BIRC6: variants seen among roughly 807,000 people sequenced by gnomAD.
The protein encoded by BIRC6 is dual E2 ubiquitin-conjugating enzyme/E3 ubiquitin-protein ligase BIRC6.
In BIRC6, 98 loss-of-function variants were observed where a neutral mutation model predicts 503.3. The ratio of observed to expected loss-of-function variants is 0.19; its 90% CI spans 0.17 to 0.23. The LOEUF is 0.23. Ranked by LOEUF, BIRC6 falls within the 10% of genes least tolerant of loss-of-function variation. The pLI, the probability that BIRC6 is intolerant of heterozygous loss-of-function variation, is 1.00. For synonymous variants in BIRC6, 2,240 were observed against 2,078.7 expected (o/e 1.08, Z -2.11); for missense variants, 5,360 against 5,806.0 (o/e 0.92, Z 2.50).
In BIRC6 at chr2:32,568,701, C is replaced by T. The variant is rs142972970; in HGVS notation, c.13145-6455C>T. Among the ~76,000 whole-genome samples, 355 of 150,830 alleles carry T rather than the reference C, an allele frequency of 2.4e-3. 1 individual carries two copies. The highest frequency in any genetic ancestry group is 8.3e-3 in the African/African-American group (343 of 41,114). ...TTGACCAAAAATACAAAAATTAGTC[C>T]GGCATGGTGGCATGCACCTGTAATC... On this transcript the variant is annotated intron_variant, in intron 65 of 73. Coordinates refer to ENST00000421745, the MANE Select transcript of BIRC6 (RefSeq NM_016252.4).
At chr2:32,524,830 T>C in intron 57 of BIRC6, 58 bp from the exon 58 acceptor site, 2 of 1,125,456 alleles carry the variant, frequency 1.8e-6, no homozygotes, top group Non-Finnish European at 2.4e-6. Context: ...AAACATATAT[T>C]ACTTCTCTTC....
chr2:32,522,260 C>T (rs2055808144), intron 57 of BIRC6: 1 of 151,742 alleles, frequency 6.6e-6, no homozygotes, highest in Non-Finnish European at 1.5e-5. Context: ...CTTTATTTGC[C>T]TGGAGAATTT....
chr2:32,554,020 A>G (rs567153892), intron 65 of BIRC6, among the ~76,000 whole-genome samples: 2 of 152,250 alleles, frequency 1.3e-5, no homozygotes, highest in African/African-American at 4.8e-5. Context: ...CTTGTATAGT[A>G]TGGAGTTACC....
At chr2:32,377,206 A>AAT (rs537038995) in intron 1 of BIRC6, among the ~76,000 whole-genome samples, 137 of 133,794 alleles carry the variant, frequency 1.0e-3, no homozygotes, top group African/African-American at 3.6e-3. Flanking sequence ...TTATTCCCTT[A>AAT]ATATATATGT....
rs190337735 is a variant in BIRC6 at position 32,358,858 on chromosome 2, G to A, written c.325+1372G>A. Among the ~76,000 whole-genome samples the A allele has an allele frequency of 9.8e-5, 15 of 152,328 alleles. No homozygotes were observed. In the East Asian group the frequency reaches 2.7e-3, roughly 27 times the overall value. ...CTTTTCTTGGCTTAGGTAAATGATG[G>A]GGTGGCCCAGATGTAGCAGTGAACA... On this transcript the variant is annotated intron_variant, in intron 1 of 73. Transcript: ENST00000421745.
chr2:32,404,633 G>C (rs761401686), intron 8 of BIRC6, among the ~76,000 whole-genome samples: 2 of 151,508 alleles, frequency 1.3e-5, no homozygotes, highest in Non-Finnish European at 2.9e-5. Context: ...AAATGTTTTT[G>C]TCACAAAATA....
intron 64 of BIRC6, among the ~76,000 whole-genome samples, chr2:32,548,269 T>C (rs540429995): frequency 6.6e-6 from 1 of 151,244 alleles, no homozygotes; most frequent in South Asian, 2.1e-4. Flanking sequence ...AGCTGGAAGA[T>C]GCATCTTCCT....
At chr2:32,359,056 C>G (rs2033641959) in intron 1 of BIRC6, among the ~76,000 whole-genome samples, 2 of 152,202 alleles carry the variant, frequency 1.3e-5, no homozygotes, top group African/African-American at 4.8e-5. Flanking sequence ...AGAAATAAAA[C>G]TTTACAAATA....
intron 33 of BIRC6, among the ~76,000 whole-genome samples, chr2:32,475,244 A>G (rs2049608246): frequency 1.3e-5 from 2 of 151,898 alleles, no homozygotes; most frequent in Admixed American, 6.6e-5. Context: ...CTGCTAACTC[A>G]ATTATTATTC....
At chr2:32,471,769 A>T (rs1377071898) in intron 32 of BIRC6, among the ~76,000 whole-genome samples, 1 of 152,144 alleles carries the variant, frequency 6.6e-6, no homozygotes, top group Non-Finnish European at 1.5e-5. Flanking sequence ...TATGTAAGCC[A>T]TTGAGATATG....
At chr2:32,487,992 T>A (rs2366892) in intron 41 of BIRC6, among the ~76,000 whole-genome samples, 191 bp downstream of exon 41, 152,280 of 152,286 alleles carry the variant, frequency 1, 76,137 homozygotes, top group Middle Eastern at 1. Flanking sequence ...TGATAATTTT[T>A]AAGATTTTTA....
intron 65 of BIRC6, among the ~76,000 whole-genome samples, chr2:32,561,334 C>G (rs188327360): frequency 1.3e-5 from 2 of 151,950 alleles, no homozygotes; most frequent in Admixed American, 6.5e-5. Flanking sequence ...CTCCACTTCC[C>G]AAGCTCAAGT....
At chr2:32,531,753 T>TC (rs2056775077) in intron 61 of BIRC6, among the ~76,000 whole-genome samples, 1 of 152,224 alleles carries the variant, frequency 6.6e-6, no homozygotes, top group Non-Finnish European at 1.5e-5. Flanking sequence ...ATGTTGAAGA[T>TC]CAAGCACACT....
chr2:32,410,447 T>G (rs2041738422), intron 9 of BIRC6, among the ~76,000 whole-genome samples: 1 of 152,228 alleles, frequency 6.6e-6, no homozygotes, highest in African/African-American at 2.4e-5. Flanking sequence ...AGTGAACAGC[T>G]TCATTAATAC....
intron 10 of BIRC6, among the ~76,000 whole-genome samples, chr2:32,425,355 T>C (rs1445728951): frequency 6.6e-6 from 1 of 152,136 alleles, no homozygotes; most frequent in African/African-American, 2.4e-5. Flanking sequence ...GCTAATTGGC[T>C]ATATAAAGAG....
chr2:32,363,536 G>T (rs1283757676), intron 1 of BIRC6, among the ~76,000 whole-genome samples: 1 of 151,992 alleles, frequency 6.6e-6, no homozygotes, highest in Non-Finnish European at 1.5e-5. Flanking sequence ...ATTACTGGGG[G>T]TGATGATTTC....
intron 72 of BIRC6, among the ~76,000 whole-genome samples, chr2:32,611,081 C>G (rs1400393201): frequency 6.7e-6 from 1 of 149,328 alleles, no homozygotes; most frequent in Non-Finnish European, 1.5e-5. Context: ...TTTTTCCCTG[C>G]TAATATTGTA....
chr2:32,368,336 C>T (rs930307273), intron 1 of BIRC6, among the ~76,000 whole-genome samples: 4 of 152,018 alleles, frequency 2.6e-5, no homozygotes, highest in Non-Finnish European at 2.9e-5. Context: ...GTCAGGAATT[C>T]GAGACCAGCC....
At chr2:32,373,959 T>C (rs1438506531) in intron 1 of BIRC6, among the ~76,000 whole-genome samples, 1 of 152,120 alleles carries the variant, frequency 6.6e-6, no homozygotes, top group Non-Finnish European at 1.5e-5. Context: ...AAAGGAAAAA[T>C]ACTGTATGAT....
Sources: allele counts gnomAD v4.1 joint callset (sites outside exome capture counted in the v4.1 genomes callset), GRCh38; gene constraint gnomAD v4.1.1; transcripts MANE v1.5; gene names NCBI Gene and HGNC (gene_info 2026-07-23, HGNC 2026-07-21).